WDR86: variants seen among roughly 807,000 people sequenced by gnomAD.
WDR86 encodes WD repeat domain 86.
Under a neutral mutation model 36.5 loss-of-function variants are expected in WDR86, and 30 were observed. The observed-to-expected ratio is 0.82, with a 90% CI of 0.61 to 1.11. WDR86 has a LOEUF of 1.11. Among genes scored for constraint, WDR86 ranks in the 50% most tolerant of loss-of-function variants. WDR86 has a pLI of 0.00. For missense variants in WDR86, 545 were observed against 561.2 expected (o/e 0.97, Z 0.29); for synonymous variants, 255 against 252.9 (o/e 1.01, Z -0.08).
Position 151,385,144 on chromosome 7 carries a change from C to T in WDR86, c.806G>A (p.Arg269His), listed in dbSNP as rs373857242. The change falls in exon 4 of 6, where the codon CGC becomes CAC. Residue 269 changes from arginine to histidine, a missense_variant. Physicochemically the swap from Arg to His is conservative, Grantham distance 29. Coordinates refer to ENST00000334493, the MANE Select transcript of WDR86 (RefSeq NM_198285.3). Reference sequence around the variant, plus strand: ...GTTGCGTCTGTGGGCCGTGAACGTGCGCACACACTCCCCTGTGTCTGCCAG... The same window carrying T: ...GTTGCGTCTGTGGGCCGTGAACGTGTGCACACACTCCCCTGTGTCTGCCAG... ...CWLADTGECV[R>H]TFTAHRRNVS... 2.2e-5 allele frequency: 36 copies of T among 1,612,706 alleles called. No individual in the cohort carries two copies. In the Middle Eastern group the frequency reaches 5.2e-4, roughly 23 times the overall value.
At position 151,409,114 on chromosome 7, in the gene WDR86, T is replaced by G; in HGVS notation, c.163+313A>C. 1.6e-6 allele frequency: 1 copy of G among 635,818 alleles called. No homozygotes were observed. Among genetic ancestry groups the G allele is most frequent in the East Asian group, 3.3e-5 (1 of 30,058 alleles). The allele number at this position is 635,818 out of a possible 1,614,324, so 39.4% of individuals were successfully genotyped here. ...AGGTGCAACTTTTTGTTTGTTAACATTGTTGTCAAGGGAGATTTCCTGCCG... is the reference window on the plus strand; with the variant it reads ...AGGTGCAACTTTTTGTTTGTTAACAGTGTTGTCAAGGGAGATTTCCTGCCG... On this transcript the variant is annotated intron_variant, in intron 1 of 5. Coordinates refer to ENST00000334493, the MANE Select transcript of WDR86 (RefSeq NM_198285.3). The surrounding 1 kb of genome is among the most constrained non-coding windows in gnomAD (Gnocchi z 5.2).
At chr7:151,408,714 A>G (rs1379937018) in intron 1 of WDR86, 1 of 356,286 alleles carries the variant, frequency 2.8e-6, no homozygotes, top group African/African-American at 2.1e-5. Context: ...GCTGAAAGGG[A>G]CCTCACAGTG....
rs906584058 is a variant in WDR86, at chr7:151,388,674, C to T, written c.727-3451G>A. Among the ~76,000 whole-genome samples, 1 of 152,184 alleles carries T rather than the reference C, an allele frequency of 6.6e-6. No homozygotes were observed. Among genetic ancestry groups the T allele is most frequent in the Non-Finnish European group, 1.5e-5 (1 of 68,038 alleles). ...AGGGAGGCAGAGGCCCCTCTGGGCA[C>T]GGTGGTTTCTCAGGACCTCACCTCT... On this transcript the variant is annotated intron_variant, in intron 3 of 5. Coordinates refer to ENST00000334493, the MANE Select transcript of WDR86 (RefSeq NM_198285.3). The surrounding 1 kb of genome is among the most constrained non-coding windows in gnomAD (Gnocchi z 4.2).
chr7:151,402,070 A>AAAAAAAAATATAT, intron 1 of WDR86, among the ~76,000 whole-genome samples: 41 of 50,518 alleles, frequency 8.1e-4, no homozygotes, highest in African/African-American at 4.2e-3. Context: ...AAAAAAAAAA[A>AAAAAAAAATATAT]ATATATATAT....
At chr7:151,377,294 C>T, downstream of WDR86, 8 of 998,582 alleles carry the variant, frequency 8.0e-6, no homozygotes, top group South Asian at 1.9e-5. Flanking sequence ...TAATGCAGCT[C>T]TTTCTGTTCT....
chr7:151,397,818 G>GAGGGTGTAGCGGGAGGA lies in WDR86; in HGVS notation c.306-1639_306-1623dup, dbSNP rs1799972867. On this transcript the variant is annotated intron_variant, in intron 2 of 5. Transcript: ENST00000334493. Reference sequence around the variant, plus strand: ...GGGAGGAAGGGCATAGCGGGAGGAAGAGGGTGTAGCGGGAGGAAGGGCATA... The same window carrying GAGGGTGTAGCGGGAGGA: ...GGGAGGAAGGGCATAGCGGGAGGAAGAGGGTGTAGCGGGAGGAAGGGTGTAGCGGGAGGAAGGGCATA... Among the ~76,000 whole-genome samples the GAGGGTGTAGCGGGAGGA allele has an allele frequency of 5.5e-5, 6 of 108,522 alleles. No individual in the cohort carries two copies. In the Admixed American group the frequency reaches 6.1e-4, roughly 11 times the overall value. 71.2% of individuals were successfully genotyped at this position (108,522 alleles called of 152,430 possible).
At position 151,385,110 on chromosome 7, in the gene WDR86, G is replaced by T; in HGVS notation, c.840C>A (p.Ala280=). ...TFTAHRRNVS[A]LKYHAGTLFT... ...TACAGGTGCCCGCGTGGTACTTGAGGGCGCTCACGTTGCGTCTGTGGGCCG... is the reference window on the plus strand; with the variant it reads ...TACAGGTGCCCGCGTGGTACTTGAGTGCGCTCACGTTGCGTCTGTGGGCCG... Residue 280 remains alanine (A), a synonymous_variant, in exon 4 of 6, where the codon GCC becomes GCA. Transcript: ENST00000334493. The T allele has an allele frequency of 6.2e-7, 1 of 1,609,330 alleles. No individual in the cohort carries two copies. The highest frequency in any genetic ancestry group is 1.3e-5 in the African/African-American group (1 of 74,978).
intron 2 of WDR86, among the ~76,000 whole-genome samples, chr7:151,397,749 GGTGTA>G (rs1563059375): frequency 1.7e-4 from 24 of 141,786 alleles, no homozygotes; most frequent in African/African-American, 4.4e-4. Flanking sequence ...GGAGGAAGAG[GGTGTA>G]GCGGGAGGAA....
intron 4 of WDR86, among the ~76,000 whole-genome samples, chr7:151,384,242 G>A (rs1366996994): frequency 6.6e-6 from 1 of 152,206 alleles, no homozygotes; most frequent in Non-Finnish European, 1.5e-5. Context: ...CAGACAGCAG[G>A]TTGCCTGCCC....
At chr7:151,392,875 C>T (rs1231485149) in intron 3 of WDR86, among the ~76,000 whole-genome samples, 4 of 152,176 alleles carry the variant, frequency 2.6e-5, no homozygotes, top group African/African-American at 9.7e-5. Context: ...TCTCAGCCCT[C>T]ATGGCAGCCC....
At chr7:151,395,018 C>T (rs1229710609) in intron 3 of WDR86, among the ~76,000 whole-genome samples, 1 of 152,030 alleles carries the variant, frequency 6.6e-6, no homozygotes, top group Non-Finnish European at 1.5e-5. Context: ...TGTGAGGAAA[C>T]TGAGGCCCAC....
chr7:151,402,398 T>C (rs969122936), intron 1 of WDR86, among the ~76,000 whole-genome samples: 3 of 152,018 alleles, frequency 2.0e-5, no homozygotes, highest in Middle Eastern at 3.2e-3. Flanking sequence ...GACACTAACA[T>C]AGACACAGAG....
At chr7:151,398,029 T>C (rs150481797) in intron 2 of WDR86, among the ~76,000 whole-genome samples, 236 of 152,210 alleles carry the variant, frequency 1.6e-3, no homozygotes, top group African/African-American at 5.4e-3. Flanking sequence ...TACTTAATCA[T>C]GCAAATATCT....
At chr7:151,403,036 T>C (rs1485654132) in intron 1 of WDR86, among the ~76,000 whole-genome samples, 1 of 152,234 alleles carries the variant, frequency 6.6e-6, no homozygotes, top group Non-Finnish European at 1.5e-5. Context: ...TATTTGCCCA[T>C]AACCTATGCA....
intron 3 of WDR86, among the ~76,000 whole-genome samples, chr7:151,391,793 G>A (rs534497163): frequency 7.9e-4 from 121 of 152,270 alleles, no homozygotes; most frequent in African/African-American, 2.7e-3. Context: ...AGAAACTCCC[G>A]TCTACCGAGA....
chr7:151,380,530 G>A (rs1487073088), downstream of WDR86, among the ~76,000 whole-genome samples: 2 of 152,040 alleles, frequency 1.3e-5, no homozygotes, highest in Non-Finnish European at 2.9e-5. Context: ...CCTGGCACCC[G>A]GGCCAACCGG....
At chr7:151,372,999 C>T (rs1409106177), downstream of WDR86, among the ~76,000 whole-genome samples, 1 of 152,182 alleles carries the variant, frequency 6.6e-6, no homozygotes, top group Non-Finnish European at 1.5e-5. Flanking sequence ...TCTGTTCTGC[C>T]TGCTCCTACT....
the WDR86 span, among the ~76,000 whole-genome samples, chr7:151,370,741 T>G: frequency 7.1e-6 from 1 of 140,996 alleles, no homozygotes; most frequent in African/African-American, 2.7e-5. Context: ...CCCCTTCCTG[T>G]GTCCACGTGT....
rs367713643 is a variant in WDR86, at chr7:151,395,746, G to A, written c.726+30C>T. ...GCAGGGGGTGACCTGGGCTCCCCTG[G>A]CTGCTGGGCGGGGACCAGGACAGTC... is the stretch of plus-strand genomic sequence containing the variant. On this transcript the variant is annotated intron_variant, in intron 3 of 5. Transcript: ENST00000334493. 4 of 1,522,952 alleles carry A rather than the reference G, an allele frequency of 2.6e-6. No individual in the cohort carries two copies. The African/African-American group carries it at 4.1e-5, about 16-fold the overall frequency. 94.3% of individuals were successfully genotyped at this position (1,522,952 alleles called of 1,614,324 possible). A position where few individuals can be genotyped will look rare whatever the true frequency, so the allele number is the denominator to read the frequency against.
Sources: allele counts gnomAD v4.1 joint callset (sites outside exome capture counted in the v4.1 genomes callset), GRCh38; gene constraint gnomAD v4.1.1; non-coding constraint Gnocchi (gnomAD v3.1); transcripts MANE v1.5; gene names NCBI Gene and HGNC (gene_info 2026-07-23, HGNC 2026-07-21).